The following CCDC169 variants were observed in gnomAD, a reference collection of about 807,000 sequenced individuals.
CCDC169 encodes the protein coiled-coil domain containing 169.
Under a neutral mutation model 36.0 loss-of-function variants are expected in CCDC169, and 30 were observed. The observed-to-expected ratio is 0.83, with a 90% CI of 0.62 to 1.13. The LOEUF (loss-of-function observed/expected upper bound fraction) is 1.13. Ranked by LOEUF, CCDC169 falls within the 50% of genes most tolerant of loss-of-function variation. The probability of loss-of-function intolerance (pLI) is 0.00; values close to 1 mark genes in which losing one functional copy is unlikely to be tolerated. For missense variants in CCDC169, 245 were observed against 245.9 expected, an observed-to-expected ratio of 1.00 and a Z score of 0.03; for synonymous variants, 85 against 81.5, an observed-to-expected ratio of 1.04 and a Z score of -0.23.
In CCDC169 at chr13:36,297,776, A is replaced by C. The variant is rs1879721258; in HGVS notation, c.-57T>G. ...CCCTCAGCACCTTAGAGCACAAGAC[A>C]TTAAGGGCCACCCAGAAGCCAGTAC... On this transcript the variant is annotated 5_prime_UTR_variant, in exon 1 of 8. An upstream start codon of the reference 5' UTR is lost. Coordinates refer to ENST00000239859, the MANE Select transcript of CCDC169 (RefSeq NM_001144981.3). 1 of 1,479,250 alleles carries C rather than the reference A, an allele frequency of 6.8e-7. No individual in the cohort carries two copies. Among genetic ancestry groups the C allele is most frequent in the Non-Finnish European group, 9.2e-7 (1 of 1,086,370 alleles). The allele number at this position is 1,479,250 out of a possible 1,614,324, so 91.6% of individuals were successfully genotyped here. A position where few individuals can be genotyped will look rare whatever the true frequency, so the allele number is the denominator to read the frequency against.
chr13:36,235,275 C>T (rs993596257), intron 7 of CCDC169, among the ~76,000 whole-genome samples: 14 of 151,668 alleles, frequency 9.2e-5, no homozygotes, highest in Non-Finnish European at 1.3e-4. Context: ...ATCCTTCACA[C>T]GCACTTCATA....
At chr13:36,291,620 C>T (rs1878909306) in intron 2 of CCDC169, among the ~76,000 whole-genome samples, 1 of 151,946 alleles carries the variant, frequency 6.6e-6, no homozygotes, top group Non-Finnish European at 1.5e-5. Context: ...TCTCTAATAG[C>T]TATAACTCAT....
At chr13:36,276,548 C>G (rs1176514286) in intron 4 of CCDC169, among the ~76,000 whole-genome samples, 1 of 152,156 alleles carries the variant, frequency 6.6e-6, no homozygotes, top group African/African-American at 2.4e-5. Context: ...GTCTTGTTAG[C>G]TTTAGGAACA....
intron 6 of CCDC169, 116 bp downstream of exon 6, chr13:36,253,687 G>C: frequency 7.9e-7 from 1 of 1,262,850 alleles, no homozygotes; most frequent in South Asian, 1.6e-5. Flanking sequence ...TCCATATTTA[G>C]AAACTTAACT....
chr13:36,283,506 C>T lies in CCDC169; in HGVS notation c.278G>A (p.Arg93Lys). 2 of 1,550,752 alleles carry T rather than the reference C, an allele frequency of 1.3e-6. No individual in the cohort carries two copies. Among genetic ancestry groups the T allele is most frequent in the South Asian group, 2.4e-5 (2 of 84,014 alleles). Residue 93 changes from arginine (R) to lysine (K), a missense_variant, in exon 4 of 8, where the codon AGA becomes AAA. By Grantham distance (26) the Arg-to-Lys change is conservative (BLOSUM62 2). Transcript: ENST00000239859. ...VEKIHGNSSD[R>K]LSSIRVYERM... ...TTCATAGACACGAATAGAAGATAGT[C>T]TATCTACAATAAATCAAATATGAGC...
intron 4 of CCDC169, among the ~76,000 whole-genome samples, chr13:36,275,298 A>G (rs1876648709): frequency 6.6e-6 from 1 of 152,220 alleles, no homozygotes; most frequent in Non-Finnish European, 1.5e-5. Context: ...TCCTATATAT[A>G]TAGTACTTTT....
intron 2 of CCDC169, among the ~76,000 whole-genome samples, chr13:36,295,552 C>A (rs1183935319): frequency 3.3e-5 from 5 of 152,066 alleles, no homozygotes; most frequent in African/African-American, 9.7e-5. Flanking sequence ...AATTAATGAA[C>A]ATTTTGAACT....
intron 6 of CCDC169, among the ~76,000 whole-genome samples, chr13:36,251,341 C>T (rs993332984): frequency 5.3e-5 from 8 of 151,956 alleles, no homozygotes; most frequent in Non-Finnish European, 1.2e-4. Context: ...CTGTCCTTCA[C>T]TATAAAGATT....
intron 4 of CCDC169, among the ~76,000 whole-genome samples, chr13:36,254,489 C>G (rs953333521): frequency 3.3e-5 from 5 of 151,918 alleles, no homozygotes; most frequent in African/African-American, 4.8e-5. Flanking sequence ...GTTGGCCAGG[C>G]TGGTCTCAAA....
Position 36,234,071 on chromosome 13 carries a change from C to T in CCDC169, c.546-2779G>A, listed in dbSNP as rs145059724. Among the ~76,000 whole-genome samples, 18 of 152,250 alleles carry T rather than the reference C, an allele frequency of 1.2e-4. No individual in the cohort carries two copies. In the East Asian group the frequency reaches 1.4e-3, roughly 11 times the overall value. On this transcript the variant is annotated intron_variant, in intron 7 of 7. Coordinates refer to ENST00000239859, the MANE Select transcript of CCDC169 (RefSeq NM_001144981.3). ...TCTACATAAAAAGTCCACCTTTGTT[C>T]GCCAAACCTTTTCTCCCTGCTCCCA... is the stretch of plus-strand genomic sequence containing the variant.
chr13:36,228,698 G>A (rs949826740), downstream of CCDC169, among the ~76,000 whole-genome samples: 1 of 152,070 alleles, frequency 6.6e-6, no homozygotes, highest in African/African-American at 2.4e-5. Flanking sequence ...CTACAGGCAC[G>A]TGTCACCACA....
chr13:36,282,396 G>T, intron 4 of CCDC169: 1 of 985,376 alleles, frequency 1.0e-6, no homozygotes, highest in Non-Finnish European at 1.2e-6. Context: ...ATATAGGATT[G>T]TTGGATCCCA....
intron 4 of CCDC169, among the ~76,000 whole-genome samples, chr13:36,267,560 C>T (rs1438093885): frequency 6.6e-6 from 1 of 151,906 alleles, no homozygotes. Context: ...TGAAAAAAAA[C>T]TATCTAGGTA....
intron 4 of CCDC169, chr13:36,282,959 T>C (rs1225090159): frequency 6.5e-6 from 1 of 154,786 alleles, no homozygotes; most frequent in East Asian, 1.9e-4. Context: ...TAGGTAGTAA[T>C]AAAATTCTAC....
chr13:36,235,330 A>T (rs1870942971), intron 7 of CCDC169, among the ~76,000 whole-genome samples: 1 of 151,982 alleles, frequency 6.6e-6, no homozygotes, highest in Non-Finnish European at 1.5e-5. Flanking sequence ...TTTATGAGGC[A>T]AATATTACTC....
intron 4 of CCDC169, chr13:36,282,262 T>G (rs1877627390): frequency 8.4e-6 from 5 of 594,738 alleles, no homozygotes; most frequent in Admixed American, 6.4e-5. Context: ...TAATTGTCAA[T>G]TTAACAGGAA....
At chr13:36,231,336 T>G in intron 7 of CCDC169, 44 bp from the exon 8 acceptor site, 1 of 1,536,494 alleles carries the variant, frequency 6.5e-7, no homozygotes, top group Non-Finnish European at 8.8e-7. Flanking sequence ...GTCACCATTA[T>G]GTACAACAAA....
At chr13:36,277,347 A>G (rs1876954565) in intron 4 of CCDC169, among the ~76,000 whole-genome samples, 1 of 152,162 alleles carries the variant, frequency 6.6e-6, no homozygotes, top group Admixed American at 6.5e-5. Flanking sequence ...GCATTAGGAA[A>G]AATAGCTAAT....
intron 2 of CCDC169, among the ~76,000 whole-genome samples, chr13:36,288,155 C>T (rs918185043): frequency 1.3e-5 from 2 of 151,942 alleles, no homozygotes; most frequent in African/African-American, 4.8e-5. Flanking sequence ...ACTACAGGCG[C>T]CCATCACCAT....
Sources: gnomAD v4.1 joint callset for allele counts (sites outside exome capture counted in the v4.1 genomes callset) on GRCh38, gnomAD v4.1.1 for gene constraint, MANE v1.5 for transcripts, NCBI Gene and HGNC (gene_info 2026-07-23, HGNC 2026-07-21) for gene names.